RELN: variants seen among roughly 807,000 people sequenced by gnomAD.
RELN encodes the protein reelin.
Under a neutral mutation model 427.6 loss-of-function variants are expected in RELN, and 108 were observed. The observed-to-expected ratio is 0.25, with a 90% CI of 0.22 to 0.30. The LOEUF (loss-of-function observed/expected upper bound fraction) is 0.30. Ranked by LOEUF, RELN falls within the 10% of genes least tolerant of loss-of-function variation. RELN has a pLI of 1.00. For missense variants in RELN, 3,715 were observed against 4,302.8 expected (o/e 0.86, Z 3.82); for synonymous variants, 1,524 against 1,513.4 (o/e 1.01, Z -0.16).
At chr7:103,602,630 A>G (rs770466574) in intron 24 of RELN, among the ~76,000 whole-genome samples, 97 of 152,112 alleles carry the variant, frequency 6.4e-4, no homozygotes, top group Non-Finnish European at 1.0e-3. Flanking sequence ...GAGTTGAACA[A>G]TGAGAGAACA....
chr7:103,964,175 T>A (rs1281776182), intron 1 of RELN, among the ~76,000 whole-genome samples: 1 of 151,984 alleles, frequency 6.6e-6, no homozygotes, highest in Non-Finnish European at 1.5e-5. Context: ...ATAATAATAA[T>A]AGTAATAATA....
At chr7:103,574,043 G>T in intron 30 of RELN, 49 bp downstream of exon 30, 1 of 1,370,246 alleles carries the variant, frequency 7.3e-7, no homozygotes, top group Non-Finnish European at 1.0e-6. Context: ...ACTACATCGT[G>T]TGGTAAATAA....
intron 2 of RELN, among the ~76,000 whole-genome samples, chr7:103,863,077 A>G (rs1418241057): frequency 6.6e-6 from 1 of 152,154 alleles, no homozygotes; most frequent in Non-Finnish European, 1.5e-5. Flanking sequence ...GTCATCTACT[A>G]TTAAGACAAT....
At chr7:103,939,587 C>G (rs1041310794) in intron 1 of RELN, among the ~76,000 whole-genome samples, 7 of 152,176 alleles carry the variant, frequency 4.6e-5, no homozygotes, top group Admixed American at 6.5e-5. Context: ...CAATATGCAT[C>G]AAGACCTTTA....
intron 6 of RELN, among the ~76,000 whole-genome samples, chr7:103,743,840 A>G (rs1217237431): frequency 6.6e-6 from 1 of 152,188 alleles, no homozygotes; most frequent in East Asian, 1.9e-4. Context: ...CACTGTCAAC[A>G]TTAGACAGAT....
chr7:103,719,674 C>A (rs1426022468), intron 8 of RELN, among the ~76,000 whole-genome samples: 1 of 152,122 alleles, frequency 6.6e-6, no homozygotes. Flanking sequence ...AAGTAGAGTT[C>A]GGAGGCATCT....
chr7:103,577,610 AT>A (rs1831034075), intron 28 of RELN, among the ~76,000 whole-genome samples: 1 of 152,008 alleles, frequency 6.6e-6, no homozygotes, highest in African/African-American at 2.4e-5. Context: ...CCTTGGGAAA[AT>A]TCCTTCCCTT....
At chr7:103,933,543 A>C (rs766656149) in intron 1 of RELN, among the ~76,000 whole-genome samples, 55 of 151,880 alleles carry the variant, frequency 3.6e-4, no homozygotes, top group Non-Finnish European at 6.6e-4. Flanking sequence ...GGAGGGAAGG[A>C]AGGCAGGCAG....
intron 58 of RELN, among the ~76,000 whole-genome samples, chr7:103,491,223 T>A (rs1828639166): frequency 1.3e-5 from 2 of 152,214 alleles, no homozygotes; most frequent in South Asian, 4.1e-4. Flanking sequence ...TATGTCAGAC[T>A]TTTATTCAAT....
intron 2 of RELN, among the ~76,000 whole-genome samples, chr7:103,915,508 T>C (rs1332139140): frequency 6.6e-6 from 1 of 152,176 alleles, no homozygotes; most frequent in Non-Finnish European, 1.5e-5. Context: ...CTAGAATTTC[T>C]GATTCACTGT....
intron 1 of RELN, among the ~76,000 whole-genome samples, chr7:103,970,413 G>C (rs1177029960): frequency 6.6e-6 from 1 of 152,082 alleles, no homozygotes. Context: ...CCAAAGTGCT[G>C]GGATTACAGG....
At chr7:103,521,979 C>T in intron 48 of RELN, 43 bp downstream of exon 48, 5 of 1,603,434 alleles carry the variant, frequency 3.1e-6, no homozygotes, top group Non-Finnish European at 4.3e-6. Flanking sequence ...TTGGAAGGAA[C>T]TTAAGAAGAG....
chr7:103,652,821 T>C, intron 13 of RELN, 62 bp from the exon 14 acceptor site: 1 of 1,499,200 alleles, frequency 6.7e-7, no homozygotes, highest in Non-Finnish European at 9.3e-7. Context: ...ATGTAAATTC[T>C]CCTAGATTTG....
At chr7:103,639,537 T>C (rs946931550) in intron 17 of RELN, among the ~76,000 whole-genome samples, 2 of 151,650 alleles carry the variant, frequency 1.3e-5, no homozygotes, top group Non-Finnish European at 2.9e-5. Context: ...GTAGCTGGGA[T>C]TACAGATGCA....
intron 3 of RELN, among the ~76,000 whole-genome samples, chr7:103,782,107 C>T (rs1791905193): frequency 1.3e-5 from 2 of 152,036 alleles, no homozygotes; most frequent in Non-Finnish European, 2.9e-5. Flanking sequence ...ATTTTAAAAT[C>T]CCTTTGGACT....
intron 1 of RELN, among the ~76,000 whole-genome samples, chr7:103,946,750 T>C (rs1273183767): frequency 1.3e-5 from 2 of 152,226 alleles, no homozygotes; most frequent in South Asian, 4.1e-4. Context: ...GAGAACGTGA[T>C]TGTAATGCAT....
chr7:103,646,773 GT>G (rs1159506990), intron 16 of RELN, among the ~76,000 whole-genome samples: 1 of 151,998 alleles, frequency 6.6e-6, no homozygotes, highest in East Asian at 1.9e-4. Flanking sequence ...ATTCTATGAA[GT>G]CAGTATAAAC....
chr7:103,786,936 G>T (rs1163443550), intron 3 of RELN, among the ~76,000 whole-genome samples: 1 of 151,972 alleles, frequency 6.6e-6, no homozygotes, highest in African/African-American at 2.4e-5. Context: ...TTCTAAAATT[G>T]ACCACATAAT....
intron 3 of RELN, among the ~76,000 whole-genome samples, chr7:103,816,530 A>AACACACACACACACAC (rs57873981): frequency 0.04 from 5,810 of 143,594 alleles, 174 homozygotes; most frequent in Non-Finnish European, 0.056. Flanking sequence ...TTTCTCTAGA[A>AACACACACACACACAC]ACACACACAC....
Sources: allele counts gnomAD v4.1 joint callset (sites outside exome capture counted in the v4.1 genomes callset), GRCh38; gene constraint gnomAD v4.1.1; transcripts MANE v1.5; gene names NCBI Gene and HGNC (gene_info 2026-07-23, HGNC 2026-07-21).